The following PHGDH variants were observed in gnomAD, a reference collection of about 807,000 sequenced individuals.
PHGDH encodes the protein D-3-phosphoglycerate dehydrogenase.
A neutral mutation model predicts 52.6 loss-of-function variants in PHGDH; 50 were observed. The ratio of observed to expected loss-of-function variants is 0.95; its 90% confidence interval spans 0.76 to 1.20. The LOEUF (loss-of-function observed/expected upper bound fraction) is 1.20. PHGDH is among the 50% of genes most tolerant of loss of function. The probability of loss-of-function intolerance (pLI) is 0.00; values close to 1 mark genes in which losing one functional copy is unlikely to be tolerated. For synonymous variants in PHGDH, 271 were observed against 280.5 expected (o/e 0.97, Z 0.34); for missense variants, 630 against 684.6 (o/e 0.92, Z 0.89).
In PHGDH at chr1:119,742,986, GCC is replaced by G. The variant is rs751300184; in HGVS notation, c.1392_1393del (p.Leu465AlafsTer9). On this transcript the variant is annotated frameshift_variant, in exon 11 of 12. Coordinates refer to ENST00000641023, the MANE Select transcript of PHGDH (RefSeq NM_006623.4). LOFTEE classifies it high-confidence loss of function. ...CAGAAGTGCCTCTCCGCAGGGACCT[GCC>G]CCTGCTCCTATTCCGGACTCAGACC... ...RPEVPLRRDL[P>X]LLLFRTQTSD... 1 of 1,614,172 alleles carries G rather than the reference GCC, an allele frequency of 6.2e-7. No homozygotes were observed.
chr1:119,720,657 G>T (rs1042449086), intron 1 of PHGDH: 2 of 201,192 alleles, frequency 9.9e-6, no homozygotes, highest in Middle Eastern at 2.3e-3. Context: ...TTGAACCCAG[G>T]CCTGACCAAT....
intron 1 of PHGDH, among the ~76,000 whole-genome samples, chr1:119,713,649 C>T (rs587637368): frequency 6.6e-6 from 1 of 152,230 alleles, no homozygotes; most frequent in South Asian, 2.1e-4. Context: ...TAGGATTGGA[C>T]GGGTGGCAGG....
At chr1:119,717,164 G>A (rs1007422281) in intron 1 of PHGDH, among the ~76,000 whole-genome samples, 20 of 141,560 alleles carry the variant, frequency 1.4e-4, no homozygotes, top group African/African-American at 2.9e-4. Context: ...CCCGGGAGGC[G>A]GAGGTTGCAG....
At chr1:119,737,087 A>G in intron 7 of PHGDH, 27 bp from the exon 8 acceptor site, 1 of 1,613,252 alleles carries the variant, frequency 6.2e-7, no homozygotes, top group East Asian at 2.2e-5. Flanking sequence ...CATGGCAGCC[A>G]ACTTAGAGGT....
At chr1:119,716,383 A>G (rs587720511) in intron 1 of PHGDH, among the ~76,000 whole-genome samples, 2 of 152,314 alleles carry the variant, frequency 1.3e-5, no homozygotes, top group Non-Finnish European at 2.9e-5. Context: ...CATGCTCATG[A>G]AAGAAACAAT....
chr1:119,733,324 G>A (rs1435913266), intron 5 of PHGDH, among the ~76,000 whole-genome samples: 2 of 150,928 alleles, frequency 1.3e-5, no homozygotes, highest in Non-Finnish European at 1.5e-5. Flanking sequence ...TTCCTATTAC[G>A]TTCTTTTTTA....
At chr1:119,741,696 C>A in intron 9 of PHGDH, 71 bp from the exon 10 acceptor site, 1 of 1,404,660 alleles carries the variant, frequency 7.1e-7, no homozygotes, top group Non-Finnish European at 1.0e-6. Context: ...AGCTAGGTGC[C>A]AGTGGCTTCC....
rs780707537 is a variant in PHGDH, at chr1:119,711,978, A to G, written c.-45A>G. The G allele has an allele frequency of 6.2e-7, 1 of 1,610,542 alleles. No individual in the cohort carries two copies. Among genetic ancestry groups the G allele is most frequent in the Admixed American group, 1.7e-5 (1 of 60,010 alleles). ...AGGCCGAACCGCAGCTTCTTGGCTT[A>G]GGTACTTCTACTCACAGCGGCCGAT... On this transcript the variant is annotated 5_prime_UTR_variant, in exon 1 of 12. Transcript: ENST00000641023.
intron 2 of PHGDH, 26 bp downstream of exon 2, chr1:119,721,347 T>A (rs762542427): frequency 3.1e-6 from 5 of 1,609,764 alleles, no homozygotes; most frequent in Non-Finnish European, 3.4e-6. Context: ...TGCGGGCGGT[T>A]TGGGGGTAGG....
In PHGDH at chr1:119,726,897, C is replaced by A. The variant is rs267606949; in HGVS notation, c.403C>A (p.Arg135=). Residue 135 remains arginine (R), a synonymous_variant, in exon 4 of 12, where the codon CGG becomes AGG. Transcript: ENST00000641023. ...TASMKDGKWE[R]KKFMGTELNG... The stretch of plus-strand genomic sequence containing the variant: ...TTCGATGAAGGACGGCAAATGGGAG[C>A]GGAAGAAGGTGAGCAGCGGCCTTGA... 1.2e-6 allele frequency: 2 copies of A among 1,613,984 alleles called. No homozygotes were observed. Among genetic ancestry groups the A allele is most frequent in the Non-Finnish European group, 1.7e-6 (2 of 1,179,812 alleles).
chr1:119,714,791 T>G (rs1650853522), intron 1 of PHGDH, among the ~76,000 whole-genome samples: 1 of 152,188 alleles, frequency 6.6e-6, no homozygotes, highest in South Asian at 2.1e-4. Flanking sequence ...AGGCCCTGGT[T>G]GCTGTCACTC....
At chr1:119,741,962 C>T in intron 10 of PHGDH, 65 bp downstream of exon 10, 2 of 1,408,604 alleles carry the variant, frequency 1.4e-6, no homozygotes, top group Non-Finnish European at 2.0e-6. Flanking sequence ...CCCCACATTT[C>T]CAGAGCCCGT....
chr1:119,723,563 G>C, intron 3 of PHGDH, 122 bp downstream of exon 3: 1 of 783,428 alleles, frequency 1.3e-6, no homozygotes, highest in Non-Finnish European at 2.3e-6. Context: ...AGACTGCTAA[G>C]AAGGCGACAT....
At chr1:119,730,747 G>A (rs942200510) in intron 5 of PHGDH, among the ~76,000 whole-genome samples, 3 of 152,142 alleles carry the variant, frequency 2.0e-5, no homozygotes, top group Admixed American at 1.3e-4. Context: ...CTCGGGGTTC[G>A]GATGGAGCCC....
rs749134845 is a variant in PHGDH, at chr1:119,737,195, C to A, written c.874C>A (p.Gln292Lys). The A allele has an allele frequency of 6.2e-7, 1 of 1,614,132 alleles. No homozygotes were observed. Among genetic ancestry groups the A allele is most frequent in the South Asian group, 1.1e-5 (1 of 91,076 alleles). The change falls in exon 8 of 12, where the codon CAG becomes AAG. Residue 292 changes from glutamine (Q) to lysine (K), a missense_variant. Transcript: ENST00000641023. ...PHLGASTKEA[Q>K]SRCGEEIAVQ... ...CCTGGGTGCCAGCACCAAGGAGGCTCAGAGCCGCTGTGGGGAGGAAATTGC... is the reference window on the plus strand; with the variant it reads ...CCTGGGTGCCAGCACCAAGGAGGCTAAGAGCCGCTGTGGGGAGGAAATTGC...
At chr1:119,735,524 T>C in intron 7 of PHGDH, 81 bp downstream of exon 7, 1 of 1,388,410 alleles carries the variant, frequency 7.2e-7, no homozygotes. Context: ...AGCCTGGCGT[T>C]TTACAGAAAG....
At chr1:119,732,811 G>A (rs1167295273) in intron 5 of PHGDH, among the ~76,000 whole-genome samples, 2 of 152,174 alleles carry the variant, frequency 1.3e-5, no homozygotes, top group African/African-American at 4.8e-5. Context: ...CAGCCTGCAG[G>A]GTCCTTCCTC....
chr1:119,742,656 C>A (rs1652263249), intron 10 of PHGDH, 151 bp from the exon 11 acceptor site: 2 of 676,504 alleles, frequency 3.0e-6, no homozygotes, highest in Non-Finnish European at 5.4e-6. Context: ...CACAGCTTGG[C>A]CCATTTGCCC....
chr1:119,727,596 G>A (rs939702913), intron 5 of PHGDH: 33 of 180,376 alleles, frequency 1.8e-4, no homozygotes, highest in African/African-American at 5.3e-4. Flanking sequence ...TTGGGAGGCC[G>A]AGGCAGGCAG....
Sources: allele counts gnomAD v4.1 joint callset (sites outside exome capture counted in the v4.1 genomes callset), GRCh38; gene constraint gnomAD v4.1.1; transcripts MANE v1.5; gene names NCBI Gene and HGNC (gene_info 2026-07-23, HGNC 2026-07-21).